Variants in POC1B observed in about 807,000 individuals in gnomAD.
POC1B encodes the protein POC1 centriolar protein homolog B.
Under a neutral mutation model 60.6 loss-of-function variants are expected in POC1B, and 44 were observed. The observed-to-expected ratio is 0.73, with a 90% confidence interval of 0.57 to 0.93. The LOEUF is 0.93. Among genes scored for constraint, POC1B ranks in the 40% least tolerant of loss-of-function variants. The pLI, the probability that POC1B is intolerant of heterozygous loss-of-function variation, is 0.00. For synonymous variants in POC1B, 180 were observed against 198.9 expected (o/e 0.90, Z 0.80); for missense variants, 555 against 572.3 (o/e 0.97, Z 0.31).
At chr12:89,439,277 C>G (rs1217968040) in intron 10 of POC1B, among the ~76,000 whole-genome samples, 1 of 152,204 alleles carries the variant, frequency 6.6e-6, no homozygotes, top group Non-Finnish European at 1.5e-5. Flanking sequence ...TTGCCCCACT[C>G]CATCTCTGGG....
intron 3 of POC1B, among the ~76,000 whole-genome samples, chr12:89,496,165 T>A (rs1240031026): frequency 6.6e-6 from 1 of 152,024 alleles, no homozygotes; most frequent in Admixed American, 6.6e-5. Flanking sequence ...AGGGAGACAG[T>A]GACAGATCAT....
In POC1B at chr12:89,439,810, G is replaced by A. The variant is rs1219479497; in HGVS notation, c.1114-14431C>T. On this transcript the variant is annotated intron_variant, in intron 10 of 11. Transcript: ENST00000313546. ...TAGTAGAGATGGGGTTTTGCCATTT[G>A]GCCAGGCTGGTCTTGAACTCCTGAC... Among the ~76,000 whole-genome samples, 3 of 152,052 alleles carry A rather than the reference G, an allele frequency of 2.0e-5. No homozygotes were observed. The East Asian group carries it at 5.8e-4, about 29-fold the overall frequency.
intron 10 of POC1B, among the ~76,000 whole-genome samples, chr12:89,448,908 C>T (rs1204894632): frequency 6.6e-6 from 1 of 152,210 alleles, no homozygotes; most frequent in Non-Finnish European, 1.5e-5. Flanking sequence ...CAACCAGTTA[C>T]TTACAAACAT....
chr12:89,505,357 G>A (rs1869842917), intron 2 of POC1B, among the ~76,000 whole-genome samples: 1 of 152,184 alleles, frequency 6.6e-6, no homozygotes, highest in East Asian at 1.9e-4. Context: ...TGTATGGTTA[G>A]CAAAAGACAT....
chr12:89,502,438 A>G, intron 2 of POC1B: 1 of 1,299,250 alleles, frequency 7.7e-7, no homozygotes, highest in Non-Finnish European at 1.1e-6. Context: ...TCCAGGCAAA[A>G]TATCGTCTAA....
chr12:89,421,145 T>A lies in POC1B; in HGVS notation c.*8A>T. 6.4e-7 allele frequency: 1 copy of A among 1,572,330 alleles called. No individual in the cohort carries two copies. The highest frequency in any genetic ancestry group is 8.7e-7 in the Non-Finnish European group (1 of 1,149,018). ...CCTCTGCCCAACAAATGAAAATGAA[T>A]TTTTTATTCAGCTTTTCTGTTGGAC... On this transcript the variant is annotated 3_prime_UTR_variant, in exon 12 of 12. Coordinates refer to ENST00000313546, the MANE Select transcript of POC1B (RefSeq NM_172240.3).
intron 4 of POC1B, among the ~76,000 whole-genome samples, chr12:89,484,949 C>T (rs927073120): frequency 6.6e-6 from 1 of 152,182 alleles, no homozygotes; most frequent in Admixed American, 6.5e-5. Flanking sequence ...TTTCTACAAA[C>T]AACTCTTGCT....
chr12:89,522,974 G>C, intron 2 of POC1B: 1 of 1,613,874 alleles, frequency 6.2e-7, no homozygotes, highest in East Asian at 2.2e-5. Context: ...ATGTTTGCTG[G>C]TACAGGGAAC....
intron 11 of POC1B, 33 bp from the exon 12 acceptor site, chr12:89,421,290 G>C: frequency 1.3e-6 from 2 of 1,504,734 alleles, no homozygotes; most frequent in Non-Finnish European, 1.8e-6. Context: ...ATCAATGCCT[G>C]GTCCTCTGGT....
chr12:89,463,913 A>G (rs1882574281), intron 9 of POC1B, among the ~76,000 whole-genome samples: 1 of 152,202 alleles, frequency 6.6e-6, no homozygotes. Context: ...TAAGGCTAGC[A>G]AAGGGGTGGC....
chr12:89,460,017 T>A (rs1409742460), intron 9 of POC1B: 2 of 413,960 alleles, frequency 4.8e-6, no homozygotes, highest in African/African-American at 4.1e-5. Flanking sequence ...ATGACCCACC[T>A]CAAAAGATGA....
chr12:89,406,688 G>A, the POC1B span, among the ~76,000 whole-genome samples: 2 of 151,994 alleles, frequency 1.3e-5, no homozygotes, highest in African/African-American at 2.4e-5. Context: ...AAGTCACACT[G>A]TTCAGATACT....
At chr12:89,423,438 C>T (rs544149744) in intron 11 of POC1B, among the ~76,000 whole-genome samples, 2 of 152,290 alleles carry the variant, frequency 1.3e-5, no homozygotes, top group East Asian at 3.9e-4. Flanking sequence ...GTGCCCAGCC[C>T]TTCAGACACT....
chr12:89,525,574 T>C (rs2135785944), intron 1 of POC1B: 1 of 1,284,840 alleles, frequency 7.8e-7, no homozygotes, highest in African/African-American at 1.6e-5. Context: ...TAATACTTCC[T>C]AGGTGATTCT....
In POC1B at chr12:89,471,627, T is replaced by C. The variant is rs1445665009; in HGVS notation, c.663A>G (p.Leu221=). The C allele has an allele frequency of 1.2e-6, 2 of 1,609,216 alleles. No homozygotes were observed. Among genetic ancestry groups the C allele is most frequent in the South Asian group, 1.1e-5 (1 of 90,586 alleles). Reference sequence around the variant, plus strand: ...GAAAATTGTTACCTTGGTAATGCTGTAGTAATTTGTTCACTCTTACATCCC... The same window carrying C: ...GAAAATTGTTACCTTGGTAATGCTGCAGTAATTTGTTCACTCTTACATCCC... ...KVWDVRVNKL[L]QHYQVHSGGV... The change falls in exon 6 of 12, where the codon CTA becomes CTG. Residue 221 remains leucine, a synonymous_variant. Transcript: ENST00000313546.
chr12:89,466,573 T>C (rs1882692662), intron 9 of POC1B, 197 bp downstream of exon 9: 1 of 450,270 alleles, frequency 2.2e-6, no homozygotes, highest in Non-Finnish European at 3.8e-6. Context: ...CACTATTTTT[T>C]AGTTTTACTT....
In POC1B at chr12:89,525,959, TG is replaced by T. The variant is rs1186933700; in HGVS notation, c.-65del. On this transcript the variant is annotated 5_prime_UTR_variant, in exon 1 of 12. Transcript: ENST00000313546. ...AACCCGGAGAGGGGAGGGGAGAGGA[TG>T]GGGAAGGAGAGGGGACCGTGCGGCT... 6 of 1,541,308 alleles carry T rather than the reference TG, an allele frequency of 3.9e-6. No individual in the cohort carries two copies. The highest frequency in any genetic ancestry group is 2.5e-5 in the East Asian group (1 of 40,480).
downstream of POC1B, among the ~76,000 whole-genome samples, chr12:89,416,210 T>A (rs76571014): frequency 6.9e-3 from 1,054 of 152,296 alleles, 17 homozygotes; most frequent in African/African-American, 0.025. Flanking sequence ...TGTATTGCAA[T>A]CTCTGTTGTA....
Position 89,518,377 on chromosome 12 carries a change from T to C in POC1B, c.100+6743A>G, listed in dbSNP as rs75549776. ...AATTACACAATGATTCAAGTATTAT[T>C]AATACTAAATACTACTAGCCTGTTC... On this transcript the variant is annotated intron_variant, in intron 2 of 11. Transcript: ENST00000313546. Among the ~76,000 whole-genome samples, 1,032 of 152,322 alleles carry C rather than the reference T, an allele frequency of 6.8e-3. 12 individuals carry two copies. The highest frequency in any genetic ancestry group is 0.024 in the African/African-American group (995 of 41,574).
Sources: allele counts gnomAD v4.1 joint callset (sites outside exome capture counted in the v4.1 genomes callset), GRCh38; gene constraint gnomAD v4.1.1; transcripts MANE v1.5; gene names NCBI Gene and HGNC (gene_info 2026-07-23, HGNC 2026-07-21).